Variants in FGF14 observed in about 807,000 individuals in gnomAD.
FGF14 encodes the protein fibroblast growth factor 14.
In FGF14, 5 loss-of-function variants were observed where a neutral mutation model predicts 25.5. The observed-to-expected ratio is 0.20, with a 90% CI of 0.10 to 0.41. The LOEUF is 0.41. FGF14 is among the 10% of genes least tolerant of loss of function. The pLI is 1.00. For missense variants in FGF14, 222 were observed against 320.1 expected, an observed-to-expected ratio of 0.69 and a Z score of 2.34; for synonymous variants, 138 against 118.3, an observed-to-expected ratio of 1.17 and a Z score of -1.08.
upstream of FGF14, chr13:102,401,805 C>T (rs565502043): frequency 7.8e-4 from 631 of 810,408 alleles, 6 homozygotes; most frequent in South Asian, 5.8e-3. Context: ...TCGATCACCA[C>T]CGGATTATTA....
intron 1 of FGF14, among the ~76,000 whole-genome samples, chr13:102,161,646 G>GTACCCC (rs1566765117): frequency 0.042 from 618 of 14,566 alleles, 75 homozygotes; most frequent in African/African-American, 0.13. Context: ...AGAAGAAGAA[G>GTACCCC]AAGAAGAAGA....
intron 1 of FGF14, among the ~76,000 whole-genome samples, chr13:101,909,595 G>C (rs1353107846): frequency 6.6e-6 from 1 of 152,214 alleles, no homozygotes; most frequent in Non-Finnish European, 1.5e-5. Context: ...GGAAACAACA[G>C]GTGATAGAGA....
chr13:101,895,136 T>C (rs2476218), intron 1 of FGF14, among the ~76,000 whole-genome samples: 120,526 of 152,056 alleles, frequency 0.79, 48,509 homozygotes, highest in African/African-American at 0.94. Context: ...AAATAAAGGT[T>C]TAAGTGTACA....
chr13:102,388,251 A>C (rs1374318802), intron 1 of FGF14, among the ~76,000 whole-genome samples: 1 of 152,190 alleles, frequency 6.6e-6, no homozygotes, highest in East Asian at 1.9e-4. Flanking sequence ...CTTATTTAGA[A>C]AGCCAGTAAC....
intron 3 of FGF14, chr13:101,868,503 G>C (rs1351817711): frequency 2.0e-6 from 1 of 494,452 alleles, no homozygotes; most frequent in African/African-American, 2.0e-5. Flanking sequence ...TTAAAATATG[G>C]CAAAAGCACT....
At chr13:102,310,689 G>C (rs3066046) in intron 1 of FGF14, among the ~76,000 whole-genome samples, 31 of 26,742 alleles carry the variant, frequency 1.2e-3, no homozygotes, top group East Asian at 2.4e-3. Flanking sequence ...CTCTCTCTGT[G>C]TGTGTGTGGG....
At chr13:102,033,318 T>A (rs1031275844) in intron 1 of FGF14, among the ~76,000 whole-genome samples, 1 of 152,000 alleles carries the variant, frequency 6.6e-6, no homozygotes, top group Non-Finnish European at 1.5e-5. Flanking sequence ...ACAAATAAAA[T>A]ACAGTAGTTC....
chr13:101,809,461 T>C (rs1333376781), intron 3 of FGF14, among the ~76,000 whole-genome samples: 1 of 152,182 alleles, frequency 6.6e-6, no homozygotes, highest in African/African-American at 2.4e-5. Flanking sequence ...CTCACAATAG[T>C]TAAATGGGAC....
intron 1 of FGF14, among the ~76,000 whole-genome samples, chr13:102,220,587 T>A (rs990703411): frequency 6.6e-6 from 1 of 152,242 alleles, no homozygotes; most frequent in Non-Finnish European, 1.5e-5. Context: ...TAGTCTTCCC[T>A]GTCTAATGCA....
At chr13:102,069,335 C>CA (rs759349309) in intron 1 of FGF14, among the ~76,000 whole-genome samples, 4 of 152,164 alleles carry the variant, frequency 2.6e-5, no homozygotes, top group South Asian at 4.2e-4. Context: ...AGCGCCCTGT[C>CA]AAAAAAGGCC....
At chr13:102,033,948 A>G (rs1011457938) in intron 1 of FGF14, among the ~76,000 whole-genome samples, 2 of 152,078 alleles carry the variant, frequency 1.3e-5, no homozygotes, top group Non-Finnish European at 2.9e-5. Flanking sequence ...AAAGCCATTC[A>G]TTACAAAATG....
chr13:102,259,785 C>A (rs1309099684), intron 1 of FGF14, among the ~76,000 whole-genome samples: 1 of 152,188 alleles, frequency 6.6e-6, no homozygotes, highest in Non-Finnish European at 1.5e-5. Flanking sequence ...GCCCAAGATG[C>A]CACATAGCTA....
At chr13:101,828,748 G>T (rs577805787) in intron 3 of FGF14, among the ~76,000 whole-genome samples, 1 of 152,122 alleles carries the variant, frequency 6.6e-6, no homozygotes, top group African/African-American at 2.4e-5. Context: ...TATCCATGCT[G>T]GGTTGAGATA....
At chr13:102,011,656 T>C (rs1024043280) in intron 1 of FGF14, among the ~76,000 whole-genome samples, 6 of 152,128 alleles carry the variant, frequency 3.9e-5, no homozygotes, top group African/African-American at 1.2e-4. Context: ...CACTTCAGAA[T>C]GACTTTTGGA....
At chr13:101,885,058 A>G (rs932279612) in intron 1 of FGF14, among the ~76,000 whole-genome samples, 1 of 152,184 alleles carries the variant, frequency 6.6e-6, no homozygotes, top group Non-Finnish European at 1.5e-5. Flanking sequence ...TATTAGAGCA[A>G]AAGTTTAAAA....
chr13:102,274,030 A>G (rs772455679), intron 1 of FGF14, among the ~76,000 whole-genome samples: 1 of 152,098 alleles, frequency 6.6e-6, no homozygotes, highest in Non-Finnish European at 1.5e-5. Flanking sequence ...GGAAAAGAAA[A>G]GAAAAAAGAA....
chr13:102,192,115 G>T (rs2049149748), intron 1 of FGF14, among the ~76,000 whole-genome samples: 1 of 152,176 alleles, frequency 6.6e-6, no homozygotes, highest in Non-Finnish European at 1.5e-5. Flanking sequence ...ATGGCCTATT[G>T]AAACTGAGGC....
intron 1 of FGF14, among the ~76,000 whole-genome samples, chr13:101,906,206 A>T (rs1465399706): frequency 6.6e-6 from 1 of 152,190 alleles, no homozygotes; most frequent in Non-Finnish European, 1.5e-5. Context: ...CCTCAGCATG[A>T]AATTCTCTTC....
intron 3 of FGF14, among the ~76,000 whole-genome samples, chr13:101,817,049 C>T (rs893200601): frequency 1.3e-5 from 2 of 152,154 alleles, no homozygotes; most frequent in African/African-American, 4.8e-5. Context: ...GCCTCTTCCT[C>T]TCCTCTTTAA....
Sources: allele counts gnomAD v4.1 joint callset (sites outside exome capture counted in the v4.1 genomes callset), GRCh38; gene constraint gnomAD v4.1.1; transcripts MANE v1.5; gene names NCBI Gene and HGNC (gene_info 2026-07-23, HGNC 2026-07-21).